Variants in TAFA1 observed in about 807,000 individuals in gnomAD.
TAFA1 encodes TAFA chemokine like family member 1.
A neutral mutation model predicts 18.5 loss-of-function variants in TAFA1; 4 were observed. That is an observed-to-expected ratio of 0.22 (90% CI 0.11 to 0.49). TAFA1 has a LOEUF of 0.49. TAFA1 is among the 20% of genes least tolerant of loss of function. The pLI is 0.98. For synonymous variants in TAFA1, 56 were observed against 55.2 expected (o/e 1.01, Z -0.06); for missense variants, 147 against 169.0 (o/e 0.87, Z 0.72).
chr3:68,449,253 C>T (rs1054770596), intron 3 of TAFA1, among the ~76,000 whole-genome samples: 19 of 151,976 alleles, frequency 1.3e-4, no homozygotes, highest in East Asian at 5.8e-4. Context: ...GTTACAGCTA[C>T]GGGGAACAGC....
intron 2 of TAFA1, among the ~76,000 whole-genome samples, chr3:68,281,043 T>G (rs1217823156): frequency 3.3e-5 from 5 of 152,208 alleles, no homozygotes; most frequent in Admixed American, 2.0e-4. Flanking sequence ...GCAACTTATT[T>G]CTTATTCCTA....
intron 3 of TAFA1, among the ~76,000 whole-genome samples, chr3:68,499,604 C>T (rs2072621929): frequency 6.6e-6 from 1 of 151,816 alleles, no homozygotes. Context: ...GAGGGCCAGG[C>T]TGTGAGCCAG....
intron 3 of TAFA1, among the ~76,000 whole-genome samples, chr3:68,437,724 G>A (rs2071288797): frequency 6.6e-6 from 1 of 152,102 alleles, no homozygotes. Context: ...GGCCCCACCT[G>A]TCAATATTGC....
At chr3:68,074,856 G>A (rs937418002) in intron 2 of TAFA1, among the ~76,000 whole-genome samples, 1 of 152,170 alleles carries the variant, frequency 6.6e-6, no homozygotes, top group Non-Finnish European at 1.5e-5. Context: ...TCATTTTTGT[G>A]TTTGCCATTC....
At chr3:68,238,104 C>T (rs2066952356) in intron 2 of TAFA1, among the ~76,000 whole-genome samples, 1 of 152,082 alleles carries the variant, frequency 6.6e-6, no homozygotes. Flanking sequence ...TCATAGGCCA[C>T]CATGGTAATG....
intron 2 of TAFA1, among the ~76,000 whole-genome samples, chr3:68,285,091 AAAAC>A (rs1055116312): frequency 2.0e-5 from 3 of 152,222 alleles, no homozygotes; most frequent in African/African-American, 7.2e-5. Context: ...CTGCATGTAA[AAAAC>A]AAACAAACAA....
intron 3 of TAFA1, among the ~76,000 whole-genome samples, chr3:68,465,342 G>T (rs1337291663): frequency 6.6e-6 from 1 of 152,136 alleles, no homozygotes; most frequent in Admixed American, 6.6e-5. Context: ...ATCTGAGTCT[G>T]TTGAGCATCA....
intron 2 of TAFA1, among the ~76,000 whole-genome samples, chr3:68,195,843 G>T (rs2066403939): frequency 6.6e-6 from 1 of 150,980 alleles, no homozygotes; most frequent in African/African-American, 2.4e-5. Context: ...ATATGTCTTT[G>T]TATTTCCTTT....
intron 2 of TAFA1, among the ~76,000 whole-genome samples, chr3:68,097,797 T>C (rs1397086859): frequency 6.6e-6 from 1 of 152,124 alleles, no homozygotes; most frequent in Non-Finnish European, 1.5e-5. Context: ...TAGAGGACCA[T>C]GGAAATGTAC....
intron 3 of TAFA1, among the ~76,000 whole-genome samples, chr3:68,505,378 A>C (rs1263353972): frequency 1.3e-5 from 2 of 152,136 alleles, no homozygotes; most frequent in Non-Finnish European, 2.9e-5. Context: ...TGCAAGTTTA[A>C]GGGTCACATT....
intron 2 of TAFA1, among the ~76,000 whole-genome samples, chr3:68,033,006 T>A (rs1456930698): frequency 6.6e-6 from 1 of 152,126 alleles, no homozygotes; most frequent in Non-Finnish European, 1.5e-5. Context: ...CAAAATTAAG[T>A]CAGAAGCAAG....
At chr3:68,194,354 T>C (rs774590575) in intron 2 of TAFA1, among the ~76,000 whole-genome samples, 1 of 151,718 alleles carries the variant, frequency 6.6e-6, no homozygotes, top group Non-Finnish European at 1.5e-5. Flanking sequence ...ATCTACATTG[T>C]TTTCCCCACG....
At chr3:68,295,948 A>C (rs543154772) in intron 2 of TAFA1, among the ~76,000 whole-genome samples, 1 of 152,222 alleles carries the variant, frequency 6.6e-6, no homozygotes, top group East Asian at 1.9e-4. Context: ...AAAGATATGT[A>C]TTATTTTTGA....
intron 2 of TAFA1, among the ~76,000 whole-genome samples, chr3:68,251,511 G>T (rs1661082056): frequency 6.6e-6 from 1 of 152,148 alleles, no homozygotes; most frequent in Admixed American, 6.5e-5. Flanking sequence ...AGAAAACAAA[G>T]ATTTGCATTT....
chr3:68,171,662 A>G (rs748656594), intron 2 of TAFA1, among the ~76,000 whole-genome samples: 3 of 152,360 alleles, frequency 2.0e-5, no homozygotes, highest in Non-Finnish European at 4.4e-5. Context: ...AATTACAAAT[A>G]TGTTTAAGGG....
intron 2 of TAFA1, among the ~76,000 whole-genome samples, chr3:68,048,535 A>C (rs2064422884): frequency 1.3e-5 from 2 of 152,150 alleles, no homozygotes; most frequent in South Asian, 4.2e-4. Context: ...ACTATCAAAC[A>C]CTAGATCTTA....
At chr3:68,395,569 A>G (rs2070362798) in intron 2 of TAFA1, among the ~76,000 whole-genome samples, 1 of 152,246 alleles carries the variant, frequency 6.6e-6, no homozygotes, top group Non-Finnish European at 1.5e-5. Context: ...ATGTCCATCA[A>G]TGATAGACAG....
chr3:68,456,845 C>A (rs1047755550), intron 3 of TAFA1, among the ~76,000 whole-genome samples: 6 of 152,170 alleles, frequency 3.9e-5, no homozygotes, highest in Admixed American at 1.3e-4. Flanking sequence ...TGATAGGCAA[C>A]TGCAGCTGCA....
intron 2 of TAFA1, among the ~76,000 whole-genome samples, chr3:68,147,465 A>T (rs2065755354): frequency 6.6e-6 from 1 of 151,852 alleles, no homozygotes; most frequent in Non-Finnish European, 1.5e-5. Context: ...ATGTGGCCTC[A>T]TGCAACGTGC....
Sources: gnomAD v4.1 joint callset for allele counts (sites outside exome capture counted in the v4.1 genomes callset) on GRCh38, gnomAD v4.1.1 for gene constraint, MANE v1.5 for transcripts, NCBI Gene and HGNC (gene_info 2026-07-23, HGNC 2026-07-21) for gene names.